Variants in MTAP observed in about 807,000 individuals in gnomAD.
MTAP encodes methylthioadenosine phosphorylase.
Under a neutral mutation model 33.6 loss-of-function variants are expected in MTAP, and 33 were observed. That is an observed-to-expected ratio of 0.98 (90% CI 0.74 to 1.31). The LOEUF is 1.31. MTAP is among the 40% of genes most tolerant of loss of function. The pLI is 0.00. For synonymous variants in MTAP, 148 were observed against 125.7 expected, an observed-to-expected ratio of 1.18 and a Z score of -1.19; for missense variants, 367 against 360.0, an observed-to-expected ratio of 1.02 and a Z score of -0.16.
intron 1 of MTAP, among the ~76,000 whole-genome samples, chr9:21,877,587 A>G (rs1312002652): frequency 2.6e-5 from 4 of 152,162 alleles, no homozygotes; most frequent in African/African-American, 9.7e-5. Context: ...AATTTTATCA[A>G]AAGCCTTTTC....
intron 1 of MTAP, among the ~76,000 whole-genome samples, chr9:21,919,106 A>G (rs1463033837): frequency 6.6e-6 from 1 of 152,222 alleles, no homozygotes; most frequent in African/African-American, 2.4e-5. Context: ...AGGATGAACA[A>G]TAGTTTCAGC....
At chr9:21,815,616 G>C in intron 2 of MTAP, 97 bp downstream of exon 2, 1 of 893,674 alleles carries the variant, frequency 1.1e-6, no homozygotes, top group Non-Finnish European at 1.7e-6. Flanking sequence ...AATTGCTTTT[G>C]TTTTGGCAGC....
At position 21,818,126 on chromosome 9, in the gene MTAP, G is replaced by C. The variant is rs773252656; in HGVS notation, c.271G>C (p.Val91Leu). 4 of 1,614,016 alleles carry C rather than the reference G, an allele frequency of 2.5e-6. No individual in the cohort carries two copies. Among genetic ancestry groups the C allele is most frequent in the South Asian group, 2.2e-5 (2 of 91,054 alleles). The change falls in exon 4 of 8, where the codon GTG becomes CTG. Residue 91 changes from valine (V) to leucine (L), a missense_variant. Transcript: ENST00000644715. The stretch of plus-strand genomic sequence containing the variant: ...GGAAGAGGGCTGTACACATGTCATA[G>C]TGACCACAGCTTGTGGCTCCTTGAG... ...LKEEGCTHVI[V>L]TTACGSLREE...
intron 5 of MTAP, among the ~76,000 whole-genome samples, chr9:21,839,200 A>G (rs1299088883): frequency 9.0e-5 from 13 of 144,972 alleles, no homozygotes; most frequent in Non-Finnish European, 1.9e-4. Flanking sequence ...AAAAAGTGGC[A>G]GGCGAAGTTT....
intron 1 of MTAP, among the ~76,000 whole-genome samples, chr9:21,915,000 T>TTTCCTTCCCTCCTTCCTTCCTTCCTTCC (rs1818653679): frequency 2.4e-5 from 2 of 83,738 alleles, no homozygotes; most frequent in African/African-American, 1.1e-4. Context: ...CTTTGTTTTC[T>TTTCCTTCCCTCCTTCCTTCCTTCCTTCC]TTCCTTCCTT....
intron 1 of MTAP, chr9:21,930,072 A>G (rs1413351363): frequency 6.6e-6 from 3 of 452,172 alleles, no homozygotes; most frequent in Middle Eastern, 3.5e-4. Flanking sequence ...TGAAATTTCT[A>G]GTTCCAGCCT....
At chr9:21,816,589 C>T in intron 2 of MTAP, 125 bp from the exon 3 acceptor site, 1 of 728,014 alleles carries the variant, frequency 1.4e-6, no homozygotes, top group Admixed American at 2.6e-5. Context: ...TCAGATCTTG[C>T]CTCTTCTCTA....
chr9:21,833,385 A>G (rs1218162843), intron 4 of MTAP, among the ~76,000 whole-genome samples: 4 of 152,058 alleles, frequency 2.6e-5, no homozygotes, highest in African/African-American at 9.7e-5. Flanking sequence ...GGGTTTCACT[A>G]TGTTGCCTGG....
In MTAP at chr9:21,822,254, C is replaced by G. The variant is rs1824661731; in HGVS notation, c.347+4052C>G. Reference sequence around the variant, plus strand: ...CAATTTTAGATCTCTCTTGCTTTCTCTTGTGGGCATTTAGTGCTATAAATT... The same window carrying G: ...CAATTTTAGATCTCTCTTGCTTTCTGTTGTGGGCATTTAGTGCTATAAATT... On this transcript the variant is annotated intron_variant, in intron 4 of 7. Transcript: ENST00000644715. 2.0e-5 allele frequency among the ~76,000 whole-genome samples: 3 copies of G among 152,164 alleles called. No homozygotes were observed. In the South Asian group the frequency reaches 6.2e-4, roughly 32 times the overall value.
intron 4 of MTAP, among the ~76,000 whole-genome samples, chr9:21,820,492 A>G (rs1039383536): frequency 6.6e-6 from 1 of 152,074 alleles, no homozygotes; most frequent in Non-Finnish European, 1.5e-5. Flanking sequence ...GTTCTGTTCC[A>G]TTGGTCTATA....
At chr9:21,861,942 A>C (rs1292611197) in intron 7 of MTAP, 34 bp from the exon 8 acceptor site, 6 of 1,222,974 alleles carry the variant, frequency 4.9e-6, no homozygotes, top group Non-Finnish European at 6.1e-6. Context: ...TTACGCCAAC[A>C]TGTGAATATC....
At chr9:21,919,431 T>C (rs184545611) in intron 1 of MTAP, among the ~76,000 whole-genome samples, 2 of 152,262 alleles carry the variant, frequency 1.3e-5, no homozygotes, top group East Asian at 3.9e-4. Flanking sequence ...TCTTTTTCTA[T>C]AAAAGGAGCA....
intron 6 of MTAP, chr9:21,858,809 C>G (rs1246540644): frequency 6.6e-6 from 1 of 152,504 alleles, no homozygotes; most frequent in Admixed American, 6.5e-5. Flanking sequence ...AAATGCCGAG[C>G]TTGAACTCAG....
chr9:21,917,503 A>G (rs189669031), intron 1 of MTAP, among the ~76,000 whole-genome samples: 2 of 152,354 alleles, frequency 1.3e-5, no homozygotes, highest in East Asian at 3.9e-4. Flanking sequence ...GATGCTTGTC[A>G]CTAATCATCA....
intron 4 of MTAP, among the ~76,000 whole-genome samples, chr9:21,821,712 C>T (rs541054225): frequency 2.0e-5 from 3 of 152,288 alleles, no homozygotes; most frequent in African/African-American, 7.2e-5. Flanking sequence ...ACCAGCTCCT[C>T]CTTGTACCTC....
chr9:21,937,234 G>C (rs899922042), exon 8 of MTAP: 7 of 152,192 alleles, frequency 4.6e-5, no homozygotes, highest in Non-Finnish European at 8.8e-5. Flanking sequence ...AGCTACTAGG[G>C]AGGCTGAGGC....
At chr9:21,858,040 T>C (rs1825676206) in intron 6 of MTAP, among the ~76,000 whole-genome samples, 1 of 152,232 alleles carries the variant, frequency 6.6e-6, no homozygotes, top group East Asian at 1.9e-4. Context: ...GAGTGGTTTA[T>C]TTGGGATTTT....
chr9:21,876,590 T>C (rs1826012455), intron 1 of MTAP, among the ~76,000 whole-genome samples: 1 of 152,228 alleles, frequency 6.6e-6, no homozygotes, highest in Non-Finnish European at 1.5e-5. Context: ...TGCATATGAC[T>C]AACCAGTTAT....
At chr9:21,877,091 A>G (rs994335617) in intron 1 of MTAP, among the ~76,000 whole-genome samples, 3 of 152,012 alleles carry the variant, frequency 2.0e-5, no homozygotes, top group Non-Finnish European at 4.4e-5. Context: ...GATTACCTGT[A>G]TTCCTAGGTA....
Sources: gnomAD v4.1 joint callset for allele counts (sites outside exome capture counted in the v4.1 genomes callset) on GRCh38, gnomAD v4.1.1 for gene constraint, MANE v1.5 for transcripts, NCBI Gene and HGNC (gene_info 2026-07-23, HGNC 2026-07-21) for gene names.